DYNC2H1: variants seen among roughly 807,000 people sequenced by gnomAD.
The protein encoded by DYNC2H1 is cytoplasmic dynein 2 heavy chain 1.
In DYNC2H1, 410 loss-of-function variants were observed where a neutral mutation model predicts 570.0. That is an observed-to-expected ratio of 0.72 (90% CI 0.66 to 0.78). The LOEUF (loss-of-function observed/expected upper bound fraction) is 0.78, where lower values mean the gene tolerates loss of function less well. DYNC2H1 is among the 30% of genes least tolerant of loss of function. The pLI, the probability that DYNC2H1 is intolerant of heterozygous loss-of-function variation, is 0.00. For synonymous variants in DYNC2H1, 1,688 were observed against 1,677.6 expected (o/e 1.01, Z -0.15); for missense variants, 4,865 against 5,046.4 (o/e 0.96, Z 1.09).
rs1169227127 is a variant in DYNC2H1 at position 103,163,152 on chromosome 11, G to A, written c.4611+5G>A. The A allele has an allele frequency of 1.2e-6, 2 of 1,606,916 alleles. No homozygotes were observed. Among genetic ancestry groups the A allele is most frequent in the African/African-American group, 1.3e-5 (1 of 74,754 alleles). On this transcript the variant is annotated splice_donor_5th_base_variant and intron_variant, in intron 30 of 88. Transcript: ENST00000375735. The surrounding 1 kb of genome is among the most constrained non-coding windows in gnomAD (Gnocchi z 4.6). ...CCATCTCTGTTCCCTTCACAGGTAA[G>A]GGGGCTTACGTGTAGAAGCTACATA...
chr11:103,418,845 C>T (rs539462552), intron 84 of DYNC2H1, among the ~76,000 whole-genome samples: 23 of 152,162 alleles, frequency 1.5e-4, no homozygotes, highest in Non-Finnish European at 2.5e-4. Context: ...GAGGATATCC[C>T]CTCATGAGCC....
At position 103,358,143 on chromosome 11, in the gene DYNC2H1, A is replaced by G. The variant is rs1044441890; in HGVS notation, c.12040-100A>G. ...ACTGTTGACAACATTTTTGGTCTCT[A>G]TTTTTATAAAACAAAATGTCTGTTT... On this transcript the variant is annotated intron_variant, in intron 82 of 88. Transcript: ENST00000375735. 5.6e-5 allele frequency: 36 copies of G among 641,468 alleles called. No individual in the cohort carries two copies. In the African/African-American group the frequency reaches 6.4e-4, roughly 11 times the overall value. 39.7% of individuals were successfully genotyped at this position (641,468 alleles called of 1,614,324 possible).
chr11:103,156,427 G>A lies in DYNC2H1; in HGVS notation c.3784G>A (p.Glu1262Lys). The stretch of plus-strand genomic sequence containing the variant: ...GGCACAAGGTGAAGTTACAATCAGA[G>A]AAGCTTTACGTGAACTTGATCTTTG... ...SRAQGEVTIR[E>K]ALRELDLWGV... is the part of the protein sequence containing the mutation. Residue 1262 changes from glutamate (E) to lysine (K), a missense_variant, in exon 26 of 89, where the codon GAA (glutamate) becomes AAA (lysine). By Grantham distance (56) the Glu-to-Lys change is moderately conservative. Around this residue, in one of 5 missense-constraint regions of DYNC2H1, gnomAD observed 1,936 missense variants for 1,962.1 expected, o/e 0.99. Transcript: ENST00000375735. 6.2e-7 allele frequency: 1 copy of A among 1,613,666 alleles called. No individual in the cohort carries two copies. Among genetic ancestry groups the A allele is most frequent in the Non-Finnish European group, 8.5e-7 (1 of 1,179,712 alleles).
chr11:103,459,475 C>T (rs549293935), intron 87 of DYNC2H1, among the ~76,000 whole-genome samples: 5 of 152,100 alleles, frequency 3.3e-5, no homozygotes, highest in African/African-American at 9.6e-5. Context: ...TAACAATAGC[C>T]GTTACATAAT....
rs904458710 is a variant in DYNC2H1 at position 103,363,647 on chromosome 11, T to C, written c.12156+5288T>C. 6.6e-6 allele frequency among the ~76,000 whole-genome samples: 1 copy of C among 152,200 alleles called. No individual in the cohort carries two copies. The highest frequency in any genetic ancestry group is 2.4e-5 in the African/African-American group (1 of 41,456). On this transcript the variant is annotated intron_variant, in intron 83 of 88. Transcript: ENST00000375735. The surrounding 1 kb of genome is among the most constrained non-coding windows in gnomAD (Gnocchi z 5.6). ...TAGGGATCATTAGGAAAAACTACCA[T>C]CATGTTGAAACTGGAATATGGAGAT...
intron 70 of DYNC2H1, among the ~76,000 whole-genome samples, chr11:103,278,444 C>T (rs1203406349): frequency 6.6e-6 from 1 of 152,086 alleles, no homozygotes; most frequent in Non-Finnish European, 1.5e-5. Context: ...TCCCCTGTTA[C>T]AGAGAAGGAA....
At chr11:103,462,025 G>T (rs947801330) in intron 87 of DYNC2H1, among the ~76,000 whole-genome samples, 2 of 152,004 alleles carry the variant, frequency 1.3e-5, no homozygotes, top group African/African-American at 4.8e-5. Flanking sequence ...ATATTGACCA[G>T]TCTTCAAAAG....
chr11:103,442,191 T>C (rs1461604645), intron 85 of DYNC2H1, among the ~76,000 whole-genome samples: 1 of 152,126 alleles, frequency 6.6e-6, no homozygotes, highest in Admixed American at 6.5e-5. Context: ...GAGCTTCTAT[T>C]ATATGCCAGC....
In DYNC2H1 at chr11:103,381,012, A is replaced by G. The variant is rs556476985; in HGVS notation, c.12157-18651A>G. The stretch of plus-strand genomic sequence containing the variant: ...GGAGTGCTTATGCTTTATCCTTTAG[A>G]CAAGGAGGATTTAACAGAACTTACA... On this transcript the variant is annotated intron_variant, in intron 83 of 88. Transcript: ENST00000375735. 3.3e-5 allele frequency among the ~76,000 whole-genome samples: 5 copies of G among 152,324 alleles called. No homozygotes were observed. The East Asian group carries it at 9.6e-4, about 29-fold the overall frequency.
In DYNC2H1 at chr11:103,253,266, G is replaced by T. The variant is rs752906896; in HGVS notation, c.10043-19G>T. ...TACAGAAGATTCAGACCAACCAATT[G>T]TGTGTTTTTTTTAAATAGGACCACG... On this transcript the variant is annotated intron_variant, in intron 65 of 88. Transcript: ENST00000375735. 1.4e-5 allele frequency: 21 copies of T among 1,515,800 alleles called. No homozygotes were observed. The highest frequency in any genetic ancestry group is 1.7e-5 in the Non-Finnish European group (19 of 1,103,984). The allele number at this position is 1,515,800 out of a possible 1,614,324, so 93.9% of individuals were successfully genotyped here. A position where few individuals can be genotyped will look rare whatever the true frequency, so the allele number is the denominator to read the frequency against.
At chr11:103,462,653 T>G (rs1238304129) in intron 87 of DYNC2H1, among the ~76,000 whole-genome samples, 1 of 152,250 alleles carries the variant, frequency 6.6e-6, no homozygotes, top group Non-Finnish European at 1.5e-5. Flanking sequence ...AAAGAATACC[T>G]AATTTTTTCA....
intron 85 of DYNC2H1, among the ~76,000 whole-genome samples, chr11:103,436,525 T>C (rs115028182): frequency 1.2e-3 from 154 of 132,830 alleles, no homozygotes; most frequent in African/African-American, 4.6e-3. Context: ...AAGGTACCTT[T>C]GTGGATTTTC....
chr11:103,438,049 T>C (rs951217191), intron 85 of DYNC2H1, among the ~76,000 whole-genome samples: 1 of 152,068 alleles, frequency 6.6e-6, no homozygotes, highest in African/African-American at 2.4e-5. Context: ...TTATAAGGCA[T>C]TTAACCTTAA....
chr11:103,323,889 T>C lies in DYNC2H1; in HGVS notation c.11938T>C (p.Tyr3980His). Reference sequence around the variant, plus strand: ...TTTTTCACTTCTTTATATTTAGGACTATCGTGCTGTCATTGAGAAAATTCC... The same window carrying C: ...TTTTTCACTTCTTTATATTTAGGACCATCGTGCTGTCATTGAGAAAATTCC... ...SLPQSCSILD[Y>H]RAVIEKIPED... Residue 3980 changes from tyrosine (Y) to histidine (H), a missense_variant, in exon 82 of 89, where the codon TAT (tyrosine) becomes CAT (histidine). Coordinates refer to ENST00000375735, the MANE Select transcript of DYNC2H1 (RefSeq NM_001377.3). 6.2e-7 allele frequency: 1 copy of C among 1,610,468 alleles called. No individual in the cohort carries two copies. Among genetic ancestry groups the C allele is most frequent in the Non-Finnish European group, 8.5e-7 (1 of 1,177,988 alleles).
chr11:103,357,963 TAAC>T (rs1345763448), intron 82 of DYNC2H1, among the ~76,000 whole-genome samples: 2 of 152,022 alleles, frequency 1.3e-5, no homozygotes, highest in Admixed American at 6.6e-5. Context: ...AAAATCCAAA[TAAC>T]AACAACAAAT....
At chr11:103,402,007 A>C (rs1942664938) in intron 84 of DYNC2H1, 1 of 152,136 alleles carries the variant, frequency 6.6e-6, no homozygotes, top group African/African-American at 2.4e-5. Flanking sequence ...TGAAGAGGTA[A>C]GAGGTAACCC....
In DYNC2H1 at chr11:103,188,602, A is replaced by T. The variant is rs765798997; in HGVS notation, c.7246A>T (p.Lys2416Ter). 1 of 1,610,216 alleles carries T rather than the reference A, an allele frequency of 6.2e-7. No homozygotes were observed. The highest frequency in any genetic ancestry group is 8.5e-7 in the Non-Finnish European group (1 of 1,177,782). Residue 2416 changes from lysine to a stop codon, truncating the protein, a stop_gained, in exon 44 of 89, where the codon AAA (lysine) becomes TAA (stop). Coordinates refer to ENST00000375735, the MANE Select transcript of DYNC2H1 (RefSeq NM_001377.3). LOFTEE classifies it high-confidence loss of function. Reference sequence around the variant, plus strand: ...AGCTGGAGGAAGACTGGGAAGACATAAACTTACTACCAGATTTACTTCCAT... The same window carrying T: ...AGCTGGAGGAAGACTGGGAAGACATTAACTTACTACCAGATTTACTTCCAT... The part of the protein sequence containing the change: ...MSAGGRLGRH[K>*]LTTRFTSIVR...
intron 22 of DYNC2H1, 81 bp from the exon 23 acceptor site, chr11:103,154,370 G>T: frequency 8.2e-7 from 1 of 1,222,418 alleles, no homozygotes; most frequent in Non-Finnish European, 1.1e-6. Flanking sequence ...TACAAGGATT[G>T]CAGTTAAGTA....
rs544579087 is a variant in DYNC2H1 at position 103,148,025 on chromosome 11, A to T, written c.2818+138A>T. 52 of 629,598 alleles carry T rather than the reference A, an allele frequency of 8.3e-5. No homozygotes were observed. The East Asian group carries it at 1.4e-3, about 17-fold the overall frequency. The allele number at this position is 629,598 out of a possible 1,614,324, so 39.0% of individuals were successfully genotyped here. A position where few individuals can be genotyped will look rare whatever the true frequency, so the allele number is the denominator to read the frequency against. ...TTTAAAAAAAGCAGGAAAAGTCCAT[A>T]TTCAATCATTAGGAGGTCTAATGAA... On this transcript the variant is annotated intron_variant, in intron 19 of 88. Coordinates refer to ENST00000375735, the MANE Select transcript of DYNC2H1 (RefSeq NM_001377.3).
Sources: gnomAD v4.1 joint callset for allele counts (sites outside exome capture counted in the v4.1 genomes callset) on GRCh38, gnomAD v4.1.1 for gene constraint, gnomAD v4.1.1 regional missense constraint, Gnocchi (gnomAD v3.1) non-coding constraint, MANE v1.5 for transcripts, NCBI Gene and HGNC (gene_info 2026-07-23, HGNC 2026-07-21) for gene names.